Variants in ESR1 observed in about 807,000 individuals in gnomAD.
The protein encoded by ESR1 is estrogen receptor.
In ESR1, 12 loss-of-function variants were observed where a neutral mutation model predicts 52.7. That is an observed-to-expected ratio of 0.23 (90% CI 0.15 to 0.37). ESR1 has a LOEUF of 0.37. Ranked by LOEUF, ESR1 falls within the 10% of genes least tolerant of loss-of-function variation. The pLI is 1.00. For missense variants in ESR1, 584 were observed against 779.7 expected (o/e 0.75, Z 2.99); for synonymous variants, 305 against 316.8 (o/e 0.96, Z 0.39).
intron 2 of ESR1, among the ~76,000 whole-genome samples, chr6:151,734,133 G>C (rs1782459533): frequency 6.6e-6 from 1 of 152,170 alleles, no homozygotes. Context: ...TGAAGGGTTG[G>C]TTTGGTGCAT....
At chr6:152,112,765 GA>G (rs2051160202) in intron 6 of ESR1, 2 of 152,248 alleles carry the variant, frequency 1.3e-5, no homozygotes, top group African/African-American at 4.8e-5. Context: ...ACCAGGAAAC[GA>G]ACAAGGGAAA....
At chr6:151,873,112 G>GT (rs1791248077) in intron 2 of ESR1, among the ~76,000 whole-genome samples, 1 of 152,158 alleles carries the variant, frequency 6.6e-6, no homozygotes, top group Non-Finnish European at 1.5e-5. Flanking sequence ...AATCTGGAAA[G>GT]TAGATACCAT....
intron 3 of ESR1, among the ~76,000 whole-genome samples, chr6:151,885,621 T>C (rs1356801893): frequency 1.3e-5 from 2 of 152,152 alleles, no homozygotes; most frequent in African/African-American, 4.8e-5. Context: ...TCCCAGCACT[T>C]TGGGAGGCTG....
intron 6 of ESR1, among the ~76,000 whole-genome samples, chr6:152,079,662 G>T (rs918449311): frequency 1.3e-5 from 2 of 152,198 alleles, no homozygotes; most frequent in African/African-American, 4.8e-5. Context: ...ACAGAAGTAG[G>T]CTTCAGAAGG....
chr6:151,863,250 C>T (rs1017692299), intron 2 of ESR1, among the ~76,000 whole-genome samples: 10 of 152,232 alleles, frequency 6.6e-5, no homozygotes, highest in African/African-American at 2.2e-4. Context: ...GCCATTTTCA[C>T]GATATTGATT....
rs1398549030 is a variant in ESR1, at chr6:152,103,143, A to G, written c.*4177A>G. The G allele has an allele frequency of 4.7e-6, 1 of 211,244 alleles. No homozygotes were observed. Among genetic ancestry groups the G allele is most frequent in the African/African-American group, 2.3e-5 (1 of 44,116 alleles). 13.1% of individuals were successfully genotyped at this position (211,244 alleles called of 1,614,324 possible). ...TACTGATGTGACTCGGTTTTGTCGCAGCTTTGCTTTGTTTAATGAAACACA... is the reference window on the plus strand; with the variant it reads ...TACTGATGTGACTCGGTTTTGTCGCGGCTTTGCTTTGTTTAATGAAACACA... On this transcript the variant is annotated 3_prime_UTR_variant, in exon 8 of 8. Transcript: ENST00000206249.
chr6:151,978,561 A>G (rs1479317228), intron 4 of ESR1, among the ~76,000 whole-genome samples: 1 of 152,122 alleles, frequency 6.6e-6, no homozygotes, highest in South Asian at 2.1e-4. Context: ...TCACACCAAG[A>G]TCCATCTTCA....
intron 2 of ESR1, among the ~76,000 whole-genome samples, chr6:151,866,790 G>A (rs757523908): frequency 1.3e-5 from 2 of 152,128 alleles, no homozygotes; most frequent in East Asian, 1.9e-4. Context: ...GTAAACATAC[G>A]TGTGCGTGTG....
At chr6:152,018,799 A>AT (rs995388312) in intron 5 of ESR1, among the ~76,000 whole-genome samples, 1 of 150,948 alleles carries the variant, frequency 6.6e-6, no homozygotes, top group African/African-American at 2.4e-5. Flanking sequence ...GTTCATGTTA[A>AT]TTTTTTTTCA....
chr6:151,951,125 G>T (rs933098057), intron 4 of ESR1, among the ~76,000 whole-genome samples: 1 of 152,084 alleles, frequency 6.6e-6, no homozygotes, highest in Admixed American at 6.6e-5. Context: ...TAAATACCTT[G>T]TAAAAGATTT....
chr6:152,047,338 A>C (rs1361277564), intron 5 of ESR1, among the ~76,000 whole-genome samples: 1 of 152,136 alleles, frequency 6.6e-6, no homozygotes, highest in African/African-American at 2.4e-5. Flanking sequence ...TGAGAAGTCA[A>C]CATGAAAATT....
At chr6:151,974,958 T>C (rs950662825) in intron 4 of ESR1, among the ~76,000 whole-genome samples, 3 of 152,212 alleles carry the variant, frequency 2.0e-5, no homozygotes, top group African/African-American at 2.4e-5. Flanking sequence ...CTATTTTTTC[T>C]CTTTCCTTTG....
intron 4 of ESR1, among the ~76,000 whole-genome samples, chr6:151,985,352 A>C (rs1351728797): frequency 1.3e-5 from 2 of 149,234 alleles, no homozygotes. Flanking sequence ...CTAAAAATAC[A>C]AAAAAATTAG....
intron 2 of ESR1, among the ~76,000 whole-genome samples, chr6:151,702,589 T>A (rs961505891): frequency 2.0e-5 from 3 of 152,202 alleles, no homozygotes; most frequent in Non-Finnish European, 4.4e-5. Flanking sequence ...AGTTCTAACC[T>A]TCTCAATCAT....
At chr6:151,825,071 G>T (rs1235220390) in intron 1 of ESR1, among the ~76,000 whole-genome samples, 1 of 152,104 alleles carries the variant, frequency 6.6e-6, no homozygotes, top group African/African-American at 2.4e-5. Context: ...TTTCAGAAAA[G>T]AGTATTTCAG....
intron 6 of ESR1, among the ~76,000 whole-genome samples, chr6:152,079,350 T>G (rs2049006056): frequency 6.6e-6 from 1 of 152,104 alleles, no homozygotes; most frequent in Admixed American, 6.5e-5. Flanking sequence ...GCAAACAGGG[T>G]CTGGGGTGGA....
chr6:151,854,296 T>A (rs1787434087), intron 2 of ESR1, among the ~76,000 whole-genome samples: 1 of 152,206 alleles, frequency 6.6e-6, no homozygotes, highest in Non-Finnish European at 1.5e-5. Flanking sequence ...TTCTGGCTAC[T>A]CTGTTAATTT....
chr6:152,122,698 A>G (rs1174843998), intron 6 of ESR1: 2 of 1,613,524 alleles, frequency 1.2e-6, no homozygotes, highest in African/African-American at 1.3e-5. Flanking sequence ...ATGGACATAA[A>G]TTACTCAGAT....
intron 1 of ESR1, among the ~76,000 whole-genome samples, chr6:151,808,924 G>A (rs891809807): frequency 2.8e-4 from 42 of 152,232 alleles, no homozygotes; most frequent in African/African-American, 1.0e-3. Context: ...CCTGTCACCC[G>A]CTTTCCCCTC....
Sources: gnomAD v4.1 joint callset for allele counts (sites outside exome capture counted in the v4.1 genomes callset) on GRCh38, gnomAD v4.1.1 for gene constraint, MANE v1.5 for transcripts, NCBI Gene and HGNC (gene_info 2026-07-23, HGNC 2026-07-21) for gene names.